Variants in ATP8A2 observed in about 807,000 individuals in gnomAD.
ATP8A2 encodes phospholipid-transporting ATPase IB.
Under a neutral mutation model 165.6 loss-of-function variants are expected in ATP8A2, and 100 were observed. That is an observed-to-expected ratio of 0.60 (90% confidence interval 0.51 to 0.71). The LOEUF (loss-of-function observed/expected upper bound fraction) is 0.71, where lower values mean the gene tolerates loss of function less well. Ranked by LOEUF, ATP8A2 falls within the 30% of genes least tolerant of loss-of-function variation. The pLI is 0.00. For synonymous variants in ATP8A2, 543 were observed against 548.8 expected (o/e 0.99, Z 0.15); for missense variants, 1,227 against 1,479.5 (o/e 0.83, Z 2.80).
Position 25,964,126 on chromosome 13 carries a change from G to T in ATP8A2, c.3272+2463G>T, listed in dbSNP as rs138069520. On this transcript the variant is annotated intron_variant, in intron 34 of 36. Coordinates refer to ENST00000381655, the MANE Select transcript of ATP8A2 (RefSeq NM_016529.6). The stretch of plus-strand genomic sequence containing the variant: ...GGGCCCAGAACTCAGCTTTTCCGGG[G>T]AGCCAACAGCATCTCAGCTCTGGGC... Among the ~76,000 whole-genome samples, 238 of 152,322 alleles carry T rather than the reference G, an allele frequency of 1.6e-3. No individual in the cohort carries two copies. The East Asian group carries it at 0.019, about 12-fold the overall frequency.
At chr13:25,644,580 G>A (rs2041621736) in intron 24 of ATP8A2, among the ~76,000 whole-genome samples, 1 of 151,596 alleles carries the variant, frequency 6.6e-6, no homozygotes, top group Non-Finnish European at 1.5e-5. Context: ...TTCATAAAAG[G>A]ATACCTTCCT....
chr13:25,465,681 TTC>T (rs1202620310), intron 1 of ATP8A2, among the ~76,000 whole-genome samples: 3 of 9,562 alleles, frequency 3.1e-4, no homozygotes, highest in Admixed American at 1.2e-3. Flanking sequence ...CTTTCTTTCT[TTC>T]TTTCTTTCTT....
intron 8 of ATP8A2, among the ~76,000 whole-genome samples, 161 bp from the exon 9 acceptor site, chr13:25,541,757 GA>G (rs1247736400): frequency 6.6e-6 from 1 of 152,142 alleles, no homozygotes; most frequent in East Asian, 1.9e-4. Context: ...AAAGCTACTG[GA>G]AAAGTCTGCC....
At chr13:25,943,149 C>T (rs1344824441) in intron 33 of ATP8A2, among the ~76,000 whole-genome samples, 5 of 152,030 alleles carry the variant, frequency 3.3e-5, no homozygotes, top group Non-Finnish European at 7.4e-5. Flanking sequence ...CCAGAGTGGG[C>T]CATCTGGAGA....
intron 24 of ATP8A2, among the ~76,000 whole-genome samples, chr13:25,655,510 C>G (rs533538499): frequency 3.3e-5 from 5 of 152,206 alleles, no homozygotes; most frequent in Admixed American, 3.3e-4. Flanking sequence ...TGCAGTTGAA[C>G]TGGAGATGGT....
At chr13:25,480,873 A>C (rs1239809434) in intron 2 of ATP8A2, among the ~76,000 whole-genome samples, 1 of 151,764 alleles carries the variant, frequency 6.6e-6, no homozygotes, top group East Asian at 1.9e-4. Context: ...ACCATTGAGC[A>C]CTGAGTGAAC....
intron 25 of ATP8A2, among the ~76,000 whole-genome samples, chr13:25,763,898 T>C (rs891104547): frequency 2.0e-5 from 3 of 152,188 alleles, no homozygotes; most frequent in Non-Finnish European, 4.4e-5. Flanking sequence ...ATAGGATTGG[T>C]TAATTAATTT....
chr13:25,406,567 T>C (rs2033807958), intron 1 of ATP8A2, among the ~76,000 whole-genome samples: 1 of 152,128 alleles, frequency 6.6e-6, no homozygotes, highest in South Asian at 2.1e-4. Flanking sequence ...CAGAGGGCAC[T>C]CATATATCTG....
intron 33 of ATP8A2, among the ~76,000 whole-genome samples, chr13:25,952,065 A>G (rs944426225): frequency 6.6e-6 from 1 of 152,142 alleles, no homozygotes; most frequent in African/African-American, 2.4e-5. Context: ...AAGTTATAGT[A>G]GGGATGCAGG....
intron 1 of ATP8A2, among the ~76,000 whole-genome samples, chr13:25,466,694 G>A (rs1018944656): frequency 2.0e-5 from 3 of 152,132 alleles, no homozygotes; most frequent in African/African-American, 7.2e-5. Context: ...GGCAGGGCCC[G>A]GGAACTAATA....
chr13:25,502,793 G>A (rs1031183700), intron 2 of ATP8A2, among the ~76,000 whole-genome samples: 1 of 152,182 alleles, frequency 6.6e-6, no homozygotes, highest in African/African-American at 2.4e-5. Context: ...GTCATGGCCT[G>A]TGTGCCATGC....
Position 25,568,085 on chromosome 13 carries a change from C to A in ATP8A2, c.1474-2682C>A, listed in dbSNP as rs139004003. ...ATACTTCCATTTGCTACAGAATTTT[C>A]TTTTTTTCCTATGTCATCATTTCAA... On this transcript the variant is annotated intron_variant, in intron 16 of 36. Transcript: ENST00000381655. Among the ~76,000 whole-genome samples, 66 of 152,276 alleles carry A rather than the reference C, an allele frequency of 4.3e-4. 1 individual carries two copies. Among genetic ancestry groups the A allele is most frequent in the African/African-American group, 1.4e-3 (60 of 41,562 alleles).
intron 27 of ATP8A2, among the ~76,000 whole-genome samples, chr13:25,816,576 G>A (rs1340678439): frequency 6.6e-6 from 1 of 152,162 alleles, no homozygotes; most frequent in Non-Finnish European, 1.5e-5. Context: ...CTGCACTTCA[G>A]ATACGTCCCA....
chr13:26,004,469 G>A (rs147460614), intron 35 of ATP8A2, among the ~76,000 whole-genome samples: 1 of 151,934 alleles, frequency 6.6e-6, no homozygotes, highest in Non-Finnish European at 1.5e-5. Flanking sequence ...AGATAATTTT[G>A]CTTTTTTCTT....
intron 2 of ATP8A2, among the ~76,000 whole-genome samples, chr13:25,516,264 C>T (rs1360916465): frequency 6.6e-6 from 1 of 152,138 alleles, no homozygotes; most frequent in Admixed American, 6.5e-5. Flanking sequence ...GGTATGTCCT[C>T]CCCGAGAACC....
intron 24 of ATP8A2, among the ~76,000 whole-genome samples, chr13:25,662,497 G>A (rs149918944): frequency 6.6e-6 from 1 of 151,650 alleles, no homozygotes; most frequent in Admixed American, 6.6e-5. Flanking sequence ...TTATTTTATC[G>A]AACAGGGAAG....
intron 2 of ATP8A2, among the ~76,000 whole-genome samples, chr13:25,481,864 A>G (rs1224342975): frequency 6.6e-6 from 1 of 152,150 alleles, no homozygotes; most frequent in Non-Finnish European, 1.5e-5. Flanking sequence ...TAAGGGCACT[A>G]ATCCCATCTT....
chr13:25,588,798 C>T (rs1215159854), intron 23 of ATP8A2, among the ~76,000 whole-genome samples: 2 of 152,152 alleles, frequency 1.3e-5, no homozygotes, highest in Non-Finnish European at 2.9e-5. Context: ...GAGAGGATGG[C>T]AAGGTGATCT....
intron 33 of ATP8A2, among the ~76,000 whole-genome samples, chr13:25,957,769 A>G (rs1052123531): frequency 3.9e-5 from 6 of 152,230 alleles, no homozygotes; most frequent in Non-Finnish European, 1.5e-5. Flanking sequence ...TCCTGGGTAT[A>G]TACCCAAAGG....
Sources: allele counts gnomAD v4.1 joint callset (sites outside exome capture counted in the v4.1 genomes callset), GRCh38; gene constraint gnomAD v4.1.1; transcripts MANE v1.5; gene names NCBI Gene and HGNC (gene_info 2026-07-23, HGNC 2026-07-21).